Variants in TRERF1 observed in about 807,000 individuals in gnomAD.
TRERF1 encodes transcriptional-regulating factor 1.
A neutral mutation model predicts 122.9 loss-of-function variants in TRERF1; 27 were observed. The observed-to-expected ratio is 0.22, with a 90% CI of 0.16 to 0.30. The LOEUF (loss-of-function observed/expected upper bound fraction) is 0.30. Among genes scored for constraint, TRERF1 ranks in the 10% least tolerant of loss-of-function variants. The pLI, the probability that TRERF1 is intolerant of heterozygous loss-of-function variation, is 1.00. For synonymous variants in TRERF1, 636 were observed against 641.7 expected (o/e 0.99, Z 0.13); for missense variants, 1,248 against 1,560.3 (o/e 0.80, Z 3.37).
chr6:42,406,404 G>T (rs1205774168), intron 2 of TRERF1, among the ~76,000 whole-genome samples: 1 of 152,196 alleles, frequency 6.6e-6, no homozygotes, highest in African/African-American at 2.4e-5. Context: ...TTGTTGAAAG[G>T]GCATTGGTAC....
intron 3 of TRERF1, among the ~76,000 whole-genome samples, chr6:42,315,491 G>A (rs1432668467): frequency 6.6e-6 from 1 of 152,190 alleles, no homozygotes; most frequent in Non-Finnish European, 1.5e-5. Context: ...TGAAAGAGAA[G>A]GGCGCTAGGA....
At chr6:42,238,260 T>A (rs1303303212) in intron 15 of TRERF1, among the ~76,000 whole-genome samples, 1 of 152,198 alleles carries the variant, frequency 6.6e-6, no homozygotes, top group Non-Finnish European at 1.5e-5. Flanking sequence ...ATGGTATTTG[T>A]TATAATGACA....
intron 2 of TRERF1, among the ~76,000 whole-genome samples, chr6:42,410,269 C>T (rs1327255146): frequency 6.6e-6 from 1 of 152,026 alleles, no homozygotes; most frequent in African/African-American, 2.4e-5. Flanking sequence ...CGATTCCTCC[C>T]AAATAGCTGG....
chr6:42,352,076 C>T (rs1164398207), intron 3 of TRERF1, among the ~76,000 whole-genome samples: 1 of 152,196 alleles, frequency 6.6e-6, no homozygotes, highest in Non-Finnish European at 1.5e-5. Flanking sequence ...ATGATCATGG[C>T]TCCCTGAAGC....
In TRERF1 at chr6:42,263,537, G is replaced by C. The variant is rs144784450; in HGVS notation, c.1667C>G (p.Pro556Arg). ...AGGCGGAGGCGGCAGTGGTGGCTGG[G>C]GCTGAGGCGGCAGGACCTTCTCTCC... The change falls in exon 8 of 18, where the codon CCC becomes CGC. Residue 556 changes from proline to arginine, a missense_variant. This residue lies in a region of TRERF1 where 946 missense variants were observed against 1,073.0 expected (regional missense o/e 0.88). Transcript: ENST00000372922. This position sits in a 1 kb window ranked among gnomAD's most constrained non-coding sequence, Gnocchi z 5.6. 4.5e-4 allele frequency: 702 copies of C among 1,553,154 alleles called. 3 individuals carry two copies. In the African/African-American group the frequency reaches 8.7e-3, roughly 19 times the overall value.
At chr6:42,227,268 AG>A (rs1346800177) in exon 18 of TRERF1, 1 of 152,246 alleles carries the variant, frequency 6.6e-6, no homozygotes, top group East Asian at 1.9e-4. Context: ...CGTATGTGTT[AG>A]AAAACTATTT....
intron 4 of TRERF1, among the ~76,000 whole-genome samples, chr6:42,280,992 T>C (rs921659468): frequency 7.2e-5 from 11 of 152,292 alleles, no homozygotes; most frequent in African/African-American, 2.6e-4. Flanking sequence ...GTCTGGTGCT[T>C]TGTATGTGGA....
intron 2 of TRERF1, among the ~76,000 whole-genome samples, chr6:42,446,592 T>C (rs1266689406): frequency 6.6e-6 from 1 of 152,242 alleles, no homozygotes; most frequent in Non-Finnish European, 1.5e-5. Context: ...ATTATGTCTC[T>C]TTCAATTATC....
At chr6:42,373,163 C>A (rs1488197100) in intron 2 of TRERF1, among the ~76,000 whole-genome samples, 1 of 152,226 alleles carries the variant, frequency 6.6e-6, no homozygotes, top group African/African-American at 2.4e-5. Flanking sequence ...GTGGCCGGGG[C>A]ACTTTCTTCT....
intron 2 of TRERF1, among the ~76,000 whole-genome samples, chr6:42,428,922 A>AAT (rs1211791182): frequency 6.6e-6 from 1 of 152,176 alleles, no homozygotes; most frequent in East Asian, 1.9e-4. Context: ...AGAGAAGTCC[A>AAT]ATACACTGGC....
At chr6:42,407,368 G>T (rs779031446) in intron 2 of TRERF1, among the ~76,000 whole-genome samples, 1 of 152,156 alleles carries the variant, frequency 6.6e-6, no homozygotes, top group Admixed American at 6.5e-5. Context: ...TTGTCTGTCT[G>T]CCCGTCTCTG....
intron 2 of TRERF1, among the ~76,000 whole-genome samples, chr6:42,440,605 C>G (rs1016698875): frequency 5.9e-5 from 9 of 152,190 alleles, no homozygotes; most frequent in African/African-American, 1.9e-4. Flanking sequence ...CCTAAATAGG[C>G]TCTTCTTGGT....
chr6:42,328,256 G>T (rs912676549), intron 3 of TRERF1, among the ~76,000 whole-genome samples: 1 of 151,846 alleles, frequency 6.6e-6, no homozygotes, highest in Non-Finnish European at 1.5e-5. Context: ...TGATCTGCCC[G>T]CCTCCGCCTC....
intron 16 of TRERF1, among the ~76,000 whole-genome samples, chr6:42,233,260 AGG>A (rs1771006710): frequency 6.8e-6 from 1 of 146,438 alleles, no homozygotes; most frequent in Admixed American, 6.8e-5. Flanking sequence ...GAGGAATGAG[AGG>A]GCTGGACCAG....
intron 2 of TRERF1, among the ~76,000 whole-genome samples, chr6:42,389,866 C>G (rs1372934292): frequency 3.3e-5 from 5 of 152,222 alleles, no homozygotes; most frequent in Non-Finnish European, 5.9e-5. Flanking sequence ...CTCAGGACCA[C>G]GTTTGCTCTT....
At chr6:42,394,665 A>C (rs1156313524) in intron 2 of TRERF1, among the ~76,000 whole-genome samples, 1 of 152,230 alleles carries the variant, frequency 6.6e-6, no homozygotes, top group Non-Finnish European at 1.5e-5. Flanking sequence ...GCAAAACAAT[A>C]ATAATATAGC....
chr6:42,374,867 C>T (rs1007407661), intron 2 of TRERF1, among the ~76,000 whole-genome samples: 2 of 151,752 alleles, frequency 1.3e-5, no homozygotes, highest in Admixed American at 6.6e-5. Context: ...AAAAATTAGC[C>T]GGGTGTGGTG....
intron 2 of TRERF1, among the ~76,000 whole-genome samples, chr6:42,376,751 C>T (rs1360552619): frequency 1.3e-5 from 2 of 151,720 alleles, no homozygotes; most frequent in African/African-American, 4.8e-5. Flanking sequence ...CCATGTTGGC[C>T]TGGATGGTCT....
intron 3 of TRERF1, among the ~76,000 whole-genome samples, chr6:42,326,178 A>AT (rs759833026): frequency 4.0e-5 from 6 of 151,872 alleles, no homozygotes; most frequent in African/African-American, 9.7e-5. Context: ...AAAAATTGAA[A>AT]TAAAAAAAAA....
Sources: gnomAD v4.1 joint callset for allele counts (sites outside exome capture counted in the v4.1 genomes callset) on GRCh38, gnomAD v4.1.1 for gene constraint, gnomAD v4.1.1 regional missense constraint, Gnocchi (gnomAD v3.1) non-coding constraint, MANE v1.5 for transcripts, NCBI Gene and HGNC (gene_info 2026-07-23, HGNC 2026-07-21) for gene names.